SGCG: variants seen among roughly 807,000 people sequenced by gnomAD.
The protein encoded by SGCG is gamma-sarcoglycan.
In SGCG, 26 loss-of-function variants were observed where a neutral mutation model predicts 29.3. That is an observed-to-expected ratio of 0.89 (90% CI 0.65 to 1.23). The LOEUF (loss-of-function observed/expected upper bound fraction) is 1.23, where lower values mean the gene tolerates loss of function less well. SGCG is among the 50% of genes most tolerant of loss of function. The pLI is 0.00. For missense variants in SGCG, 353 were observed against 356.0 expected, an observed-to-expected ratio of 0.99 and a Z score of 0.07; for synonymous variants, 145 against 129.7, an observed-to-expected ratio of 1.12 and a Z score of -0.80.
At position 23,208,195 on chromosome 13, in the gene SGCG, T is replaced by G. The variant is rs184403898; in HGVS notation, c.195+4306T>G. On this transcript the variant is annotated intron_variant, in intron 2 of 7. Transcript: ENST00000218867. Reference sequence around the variant, plus strand: ...ACTCAGTGTAATTGCTTTTCTATCATGCATTCAGTTGTTAGTCAGAATATA... The same window carrying G: ...ACTCAGTGTAATTGCTTTTCTATCAGGCATTCAGTTGTTAGTCAGAATATA... Among the ~76,000 whole-genome samples the G allele has an allele frequency of 5.9e-5, 9 of 152,292 alleles. No individual in the cohort carries two copies. The East Asian group carries it at 1.7e-3, about 29-fold the overall frequency.
At chr13:23,218,631 G>A (rs2137523636) in intron 2 of SGCG, among the ~76,000 whole-genome samples, 2 of 152,156 alleles carry the variant, frequency 1.3e-5, no homozygotes, top group Middle Eastern at 6.8e-3. Context: ...ATATCAGAGA[G>A]TGACCAATAT....
the SGCG span, among the ~76,000 whole-genome samples, chr13:23,162,336 C>T: frequency 3.9e-5 from 6 of 152,130 alleles, no homozygotes; most frequent in Non-Finnish European, 8.8e-5. Flanking sequence ...GTATCCTGGG[C>T]GGGCGCGGTG....
the SGCG span, among the ~76,000 whole-genome samples, chr13:23,172,335 GTCA>G: frequency 1.3e-5 from 2 of 152,098 alleles, no homozygotes; most frequent in Non-Finnish European, 2.9e-5. Context: ...ACTTAGGAAA[GTCA>G]CTGACATATC....
chr13:23,294,222 C>T (rs1212204953), intron 5 of SGCG, among the ~76,000 whole-genome samples: 1 of 152,042 alleles, frequency 6.6e-6, no homozygotes, highest in Non-Finnish European at 1.5e-5. Flanking sequence ...AGGGCAGGGC[C>T]TAAGATAGGC....
chr13:23,300,278 C>A (rs1161473333), intron 6 of SGCG, among the ~76,000 whole-genome samples: 1 of 152,062 alleles, frequency 6.6e-6, no homozygotes, highest in Non-Finnish European at 1.5e-5. Context: ...CAGTTAGAAA[C>A]CAAGAAAGGG....
chr13:23,209,424 C>A (rs1878110212), intron 2 of SGCG, among the ~76,000 whole-genome samples: 1 of 152,138 alleles, frequency 6.6e-6, no homozygotes, highest in Non-Finnish European at 1.5e-5. Context: ...AATGTTTTGT[C>A]ATTAAACAAT....
In SGCG at chr13:23,203,836, G is replaced by A. The variant is rs369936288; in HGVS notation, c.142G>A (p.Val48Ile). 93 of 1,613,882 alleles carry A rather than the reference G, an allele frequency of 5.8e-5. No individual in the cohort carries two copies. Among genetic ancestry groups the A allele is most frequent in the Admixed American group, 1.8e-4 (11 of 59,994 alleles). ...TGTTCTTCTTTTACTCATCATCCTC[G>A]TTGTGAATTTAGCTCTTACAATTTG... Reference protein sequence around the residue: ...LFVLLLLIILVVNLALTIWIL... With the variant: ...LFVLLLLIILIVNLALTIWIL... The change falls in exon 2 of 8, where the codon GTT (valine) becomes ATT (isoleucine). Residue 48 changes from valine (V) to isoleucine (I), a missense_variant. Transcript: ENST00000218867.
intron 2 of SGCG, among the ~76,000 whole-genome samples, chr13:23,207,292 T>C (rs1878018306): frequency 6.6e-6 from 1 of 152,194 alleles, no homozygotes; most frequent in South Asian, 2.1e-4. Context: ...TGGACCCTTA[T>C]CTTAAACCAT....
chr13:23,320,522 T>G, intron 6 of SGCG, 115 bp from the exon 7 acceptor site: 1 of 858,856 alleles, frequency 1.2e-6, no homozygotes, highest in Non-Finnish European at 1.9e-6. Context: ...TGAGAATGAC[T>G]TGAAGACTTA....
At chr13:23,190,320 A>G (rs76211674) in intron 1 of SGCG, among the ~76,000 whole-genome samples, 8,601 of 152,222 alleles carry the variant, frequency 0.057, 835 homozygotes, top group African/African-American at 0.2. Flanking sequence ...CTTTGTCAAG[A>G]TGGATGTAGT....
intron 4 of SGCG, among the ~76,000 whole-genome samples, chr13:23,270,239 A>G (rs1460940297): frequency 6.6e-6 from 1 of 152,156 alleles, no homozygotes; most frequent in African/African-American, 2.4e-5. Flanking sequence ...GGATATGTAC[A>G]TACTTAGTTT....
chr13:23,188,480 ATT>A (rs71218545), intron 1 of SGCG, among the ~76,000 whole-genome samples: 26 of 120,464 alleles, frequency 2.2e-4, no homozygotes, highest in South Asian at 5.3e-4. Flanking sequence ...CGCCTGCCTA[ATT>A]TTTTTTTTTT....
intron 6 of SGCG, among the ~76,000 whole-genome samples, chr13:23,318,842 T>G (rs1391279463): frequency 1.3e-5 from 2 of 152,236 alleles, no homozygotes; most frequent in African/African-American, 4.8e-5. Flanking sequence ...GAAGTCATTT[T>G]GTTGTCGTTT....
intron 6 of SGCG, among the ~76,000 whole-genome samples, chr13:23,303,772 T>C (rs1882263225): frequency 6.6e-6 from 1 of 152,220 alleles, no homozygotes; most frequent in Non-Finnish European, 1.5e-5. Flanking sequence ...GAGGAATCCA[T>C]GGGTGAAAAA....
At chr13:23,290,243 A>G (rs1039006347) in intron 5 of SGCG, among the ~76,000 whole-genome samples, 1 of 152,214 alleles carries the variant, frequency 6.6e-6, no homozygotes, top group Non-Finnish European at 1.5e-5. Context: ...TGCCAAGTGC[A>G]TGTCATGTCA....
At chr13:23,304,406 C>A (rs1212269679) in intron 6 of SGCG, among the ~76,000 whole-genome samples, 1 of 151,686 alleles carries the variant, frequency 6.6e-6, no homozygotes, top group Non-Finnish European at 1.5e-5. Flanking sequence ...TTATCTTTTC[C>A]AGTTGGCCAA....
At chr13:23,209,257 AC>A (rs1329252950) in intron 2 of SGCG, among the ~76,000 whole-genome samples, 1 of 152,184 alleles carries the variant, frequency 6.6e-6, no homozygotes, top group Non-Finnish European at 1.5e-5. Context: ...AGGTCAGGAA[AC>A]CCTGGTAGAT....
chr13:23,299,278 A>G (rs1882025881), intron 6 of SGCG, among the ~76,000 whole-genome samples: 1 of 130,502 alleles, frequency 7.7e-6, no homozygotes, highest in East Asian at 3.9e-4. Context: ...GACTGATTAT[A>G]TGATGGTCAT....
At chr13:23,188,805 A>G (rs188892522) in intron 1 of SGCG, among the ~76,000 whole-genome samples, 1 of 152,188 alleles carries the variant, frequency 6.6e-6, no homozygotes, top group East Asian at 1.9e-4. Flanking sequence ...CAGTTCCTCT[A>G]TGTGAGATAA....
Sources: allele counts gnomAD v4.1 joint callset (sites outside exome capture counted in the v4.1 genomes callset), GRCh38; gene constraint gnomAD v4.1.1; transcripts MANE v1.5; gene names NCBI Gene and HGNC (gene_info 2026-07-23, HGNC 2026-07-21).